Variants in JMJD1C observed in about 807,000 individuals in gnomAD.
JMJD1C encodes the protein jumonji domain containing 1C, also known as jumonji domain-containing protein 1C.
JMJD1C carries 31 observed loss-of-function variants against 245.3 expected under a neutral mutation model. The ratio of observed to expected loss-of-function variants is 0.13; its 90% CI spans 0.09 to 0.17. JMJD1C has a LOEUF of 0.17. Ranked by LOEUF, JMJD1C falls within the 10% of genes least tolerant of loss-of-function variation. The probability of loss-of-function intolerance (pLI) is 1.00; values close to 1 mark genes in which losing one functional copy is unlikely to be tolerated. For synonymous variants in JMJD1C, 1,057 were observed against 1,017.4 expected, an observed-to-expected ratio of 1.04 and a Z score of -0.74; for missense variants, 2,691 against 3,000.2, an observed-to-expected ratio of 0.90 and a Z score of 2.41.
chr10:63,348,106 C>G (rs916769774), intron 2 of JMJD1C, among the ~76,000 whole-genome samples: 1 of 151,224 alleles, frequency 6.6e-6, no homozygotes, highest in Non-Finnish European at 1.5e-5. Flanking sequence ...ATCCCAGCTA[C>G]TTGGTGGGAG....
intron 2 of JMJD1C, among the ~76,000 whole-genome samples, chr10:63,329,049 A>G (rs931786969): frequency 1.3e-5 from 2 of 152,148 alleles, no homozygotes; most frequent in Admixed American, 1.3e-4. Context: ...TGAAAGGCTG[A>G]GGTGGGAGAA....
At chr10:63,289,658 T>C (rs905475731) in intron 2 of JMJD1C, among the ~76,000 whole-genome samples, 4 of 152,208 alleles carry the variant, frequency 2.6e-5, no homozygotes, top group Admixed American at 2.6e-4. Flanking sequence ...CAAGAAAATT[T>C]ACAAATACCT....
chr10:63,288,923 AATAATG>A (rs377045056), intron 2 of JMJD1C, among the ~76,000 whole-genome samples: 13,657 of 135,582 alleles, frequency 0.1, 1,367 homozygotes, highest in African/African-American at 0.3. Context: ...TAATAATAAT[AATAATG>A]ATAATAATCT....
At chr10:63,403,137 T>C (rs1273829330) in intron 1 of JMJD1C, among the ~76,000 whole-genome samples, 1 of 152,190 alleles carries the variant, frequency 6.6e-6, no homozygotes, top group Non-Finnish European at 1.5e-5. Flanking sequence ...GAGGTTAGTG[T>C]CAGCAAGCTG....
At chr10:63,390,444 A>C (rs1409435928) in intron 1 of JMJD1C, among the ~76,000 whole-genome samples, 2 of 152,166 alleles carry the variant, frequency 1.3e-5, no homozygotes, top group African/African-American at 4.8e-5. Context: ...GAACTCTATC[A>C]AACTTTGAAA....
At chr10:63,294,724 T>G (rs2133958684) in intron 2 of JMJD1C, among the ~76,000 whole-genome samples, 2 of 152,334 alleles carry the variant, frequency 1.3e-5, no homozygotes, top group East Asian at 3.9e-4. Context: ...TAAAAATAGT[T>G]TTAACTTGTT....
Position 63,189,441 on chromosome 10 carries a change from G to A in JMJD1C, c.6297C>T (p.Ser2099=), listed in dbSNP as rs751378664. The change falls in exon 18 of 26, where the codon AGC becomes AGT. Residue 2099 remains serine, a synonymous_variant. Coordinates refer to ENST00000399262, the MANE Select transcript of JMJD1C (RefSeq NM_032776.3). ...APVYSMGAPS[S]KSGRTMPNIL... Reference sequence around the variant, plus strand: ...TGTTAGGCATAGTCCGTCCACTTTTGCTACTCTATTAAGGAAAAAACAAAA... The same window carrying A: ...TGTTAGGCATAGTCCGTCCACTTTTACTACTCTATTAAGGAAAAAACAAAA... 2 of 1,608,536 alleles carry A rather than the reference G, an allele frequency of 1.2e-6. No individual in the cohort carries two copies. The highest frequency in any genetic ancestry group is 1.7e-6 in the Non-Finnish European group (2 of 1,178,108).
intron 1 of JMJD1C, among the ~76,000 whole-genome samples, chr10:63,477,241 C>G (rs1453780496): frequency 6.6e-6 from 1 of 151,748 alleles, no homozygotes; most frequent in Non-Finnish European, 1.5e-5. Context: ...CAAGTTGATT[C>G]TAAACCCAAA....
intron 24 of JMJD1C, among the ~76,000 whole-genome samples, chr10:63,175,433 T>C (rs1842790287): frequency 6.6e-6 from 1 of 152,236 alleles, no homozygotes; most frequent in African/African-American, 2.4e-5. Flanking sequence ...TGAGATCTAA[T>C]AATGATAAAT....
At chr10:63,293,588 T>C (rs1403715703) in intron 2 of JMJD1C, among the ~76,000 whole-genome samples, 1 of 152,172 alleles carries the variant, frequency 6.6e-6, no homozygotes, top group Non-Finnish European at 1.5e-5. Flanking sequence ...GTCATCCTAC[T>C]TTTATAATCA....
At chr10:63,336,997 C>T (rs972868416) in intron 2 of JMJD1C, among the ~76,000 whole-genome samples, 1 of 151,926 alleles carries the variant, frequency 6.6e-6, no homozygotes, top group Non-Finnish European at 1.5e-5. Context: ...CCCGCCACCA[C>T]AATCAGCTAA....
intron 2 of JMJD1C, among the ~76,000 whole-genome samples, chr10:63,313,787 G>C (rs1313292628): frequency 6.6e-6 from 1 of 152,046 alleles, no homozygotes; most frequent in African/African-American, 2.4e-5. Flanking sequence ...CTTTTTGATG[G>C]GACTGTTGAA....
At position 63,207,788 on chromosome 10, in the gene JMJD1C, C is replaced by T. The variant is rs1354018064; in HGVS notation, c.3881G>A (p.Ser1294Asn). Reference protein sequence around the residue: ...KEKTEWHVEKSSGKLQAAMAS... With the variant: ...KEKTEWHVEKNSGKLQAAMAS... ...CATAGCAGCCTGTAACTTTCCGCTG[C>T]TTTTCTCCACATGCCATTCAGTTTT... Residue 1294 changes from serine to asparagine, a missense_variant, in exon 10 of 26, where the codon AGC becomes AAC. Transcript: ENST00000399262. 1.9e-6 allele frequency: 3 copies of T among 1,614,170 alleles called. No individual in the cohort carries two copies. The highest frequency in any genetic ancestry group is 2.5e-6 in the Non-Finnish European group (3 of 1,180,018).
At chr10:63,267,215 ATATT>A (rs542460686) in intron 2 of JMJD1C, among the ~76,000 whole-genome samples, 66 of 152,302 alleles carry the variant, frequency 4.3e-4, no homozygotes, top group Admixed American at 2.7e-3. Context: ...AAATGTTTCA[ATATT>A]TATTAAATGA....
chr10:63,273,121 A>G (rs571854324), intron 2 of JMJD1C, among the ~76,000 whole-genome samples: 4 of 152,364 alleles, frequency 2.6e-5, no homozygotes, highest in Admixed American at 2.6e-4. Flanking sequence ...TATAGAATCA[A>G]TTCTTGATGC....
At chr10:63,338,806 G>T (rs1348326074) in intron 2 of JMJD1C, among the ~76,000 whole-genome samples, 1 of 151,696 alleles carries the variant, frequency 6.6e-6, no homozygotes, top group African/African-American at 2.4e-5. Context: ...GTGCCACCAT[G>T]CCCAGTTAAC....
At chr10:63,375,775 G>A (rs1443408886) in intron 2 of JMJD1C, among the ~76,000 whole-genome samples, 1 of 151,682 alleles carries the variant, frequency 6.6e-6, no homozygotes, top group Non-Finnish European at 1.5e-5. Flanking sequence ...GCCTGGTGTT[G>A]AGCTCCTGGC....
At chr10:63,498,327 A>C (rs1954425068) in intron 1 of JMJD1C, among the ~76,000 whole-genome samples, 1 of 152,152 alleles carries the variant, frequency 6.6e-6, no homozygotes, top group South Asian at 2.1e-4. Flanking sequence ...CATCAGCAAG[A>C]AACAAGGGGC....
chr10:63,212,980 G>A (rs1436738217), intron 8 of JMJD1C, among the ~76,000 whole-genome samples: 1 of 151,316 alleles, frequency 6.6e-6, no homozygotes, highest in Non-Finnish European at 1.5e-5. Flanking sequence ...AAGGTCAGGA[G>A]TTCAAGACCA....
Sources: allele counts gnomAD v4.1 joint callset (sites outside exome capture counted in the v4.1 genomes callset), GRCh38; gene constraint gnomAD v4.1.1; transcripts MANE v1.5; gene names NCBI Gene and HGNC (gene_info 2026-07-23, HGNC 2026-07-21).